The following ANKRD11 variants were observed in gnomAD, a reference collection of about 807,000 sequenced individuals.
ANKRD11 encodes the protein ankyrin repeat domain-containing protein 11.
ANKRD11 carries 17 observed loss-of-function variants against 195.7 expected under a neutral mutation model. The ratio of observed to expected loss-of-function variants is 0.09; its 90% CI spans 0.06 to 0.13. The LOEUF is 0.13. Among genes scored for constraint, ANKRD11 ranks in the 10% least tolerant of loss-of-function variants. The pLI, the probability that ANKRD11 is intolerant of heterozygous loss-of-function variation, is 1.00. For missense variants in ANKRD11, 3,735 were observed against 3,566.1 expected (o/e 1.05, Z -1.21); for synonymous variants, 1,953 against 1,528.1 (o/e 1.28, Z -6.49).
At chr16:89,271,825 A>G (rs1453335581) in intron 11 of ANKRD11, 2 of 152,180 alleles carry the variant, frequency 1.3e-5, no homozygotes, top group Non-Finnish European at 2.9e-5. Context: ...TCTCCAGGAC[A>G]TTGGCCTGGG....
chr16:89,324,570 A>G, intron 2 of ANKRD11: 1 of 454,508 alleles, frequency 2.2e-6, no homozygotes, highest in South Asian at 1.6e-5. Context: ...CGAACCCTCC[A>G]TCTGGGGGGG....
intron 2 of ANKRD11, among the ~76,000 whole-genome samples, chr16:89,389,832 A>AC (rs2041095719): frequency 6.9e-6 from 1 of 144,468 alleles, no homozygotes; most frequent in African/African-American, 2.6e-5. Context: ...TAGGGCAAAC[A>AC]CCGAGTGTGG....
rs1185658662 is a variant in ANKRD11, at chr16:89,279,894, A to G, written c.6648T>C (p.Ala2216=). The G allele has an allele frequency of 1.9e-6, 3 of 1,604,904 alleles. No individual in the cohort carries two copies. Among genetic ancestry groups the G allele is most frequent in the African/African-American group, 1.3e-5 (1 of 74,828 alleles). The change falls in exon 9 of 13, where the codon GCT becomes GCC. Residue 2216 remains alanine, a synonymous_variant. Transcript: ENST00000301030. The surrounding 1 kb of genome is among the most constrained non-coding windows in gnomAD (Gnocchi z 5.6). ...EPSGEPKLDV[A]LEAAVEAETV... is the part of the protein sequence containing the mutation. ...TCTCCGCCTCCACCGCAGCTTCTAGAGCCACGTCCAGCTTTGGCTCCCCTG... is the reference window on the plus strand; with the variant it reads ...TCTCCGCCTCCACCGCAGCTTCTAGGGCCACGTCCAGCTTTGGCTCCCCTG...
intron 1 of ANKRD11, among the ~76,000 whole-genome samples, chr16:89,476,898 G>A (rs1173634269): frequency 1.3e-5 from 2 of 152,108 alleles, no homozygotes; most frequent in African/African-American, 4.8e-5. Flanking sequence ...ACAGTATCGC[G>A]TAACACACAA....
At chr16:89,396,279 G>A (rs572374077) in intron 2 of ANKRD11, among the ~76,000 whole-genome samples, 33 of 152,254 alleles carry the variant, frequency 2.2e-4, no homozygotes, top group African/African-American at 7.7e-4. Flanking sequence ...CGAGTCCCGG[G>A]CACCCAATCG....
Position 89,459,933 on chromosome 16 carries a change from CA to C in ANKRD11, c.-145+30311del, listed in dbSNP as rs140421320. Among the ~76,000 whole-genome samples, 77 of 135,594 alleles carry C rather than the reference CA, an allele frequency of 5.7e-4. No individual in the cohort carries two copies. In the South Asian group the frequency reaches 0.018, roughly 31 times the overall value. The allele number at this position is 135,594 out of a possible 152,430, so 89.0% of individuals were successfully genotyped here. On this transcript the variant is annotated intron_variant, in intron 1 of 12. Transcript: ENST00000301030. ...GGGTGACCAAGCAAGACCCTGTATC[CA>C]AAAAAAAAGAAAAAAAAAAGGCCAG...
At chr16:89,293,283 C>T (rs1030815488) in intron 4 of ANKRD11, among the ~76,000 whole-genome samples, 3 of 152,156 alleles carry the variant, frequency 2.0e-5, no homozygotes, top group Non-Finnish European at 4.4e-5. Context: ...GCACAGGAGA[C>T]TCCTGGGAGC....
chr16:89,458,417 G>T (rs1567833438), intron 1 of ANKRD11, among the ~76,000 whole-genome samples: 1 of 151,960 alleles, frequency 6.6e-6, no homozygotes, highest in Admixed American at 6.6e-5. Context: ...GTAGAGACGG[G>T]GTTTCACCAT....
chr16:89,281,133 G>T lies in ANKRD11; in HGVS notation c.5409C>A (p.Phe1803Leu), dbSNP rs748247992. 5.6e-6 allele frequency: 9 copies of T among 1,613,334 alleles called. No homozygotes were observed. In the South Asian group the frequency reaches 7.7e-5, roughly 14 times the overall value. Residue 1803 changes from phenylalanine (F) to leucine (L), a missense_variant, in exon 9 of 13, where the codon TTC becomes TTA. By Grantham distance (22) the Phe-to-Leu change is conservative. Coordinates refer to ENST00000301030, the MANE Select transcript of ANKRD11 (RefSeq NM_013275.6). This position sits in a 1 kb window ranked among gnomAD's most constrained non-coding sequence, Gnocchi z 5.5. ...GCCTGAAGAGCTTGTCTCCGACGCT[G>T]AATTCTTCCTCGGGGGTCCTCCTAA... The part of the protein sequence containing the change: ...VDIRRTPEEE[F>L]SVGDKLFRQQ...
At chr16:89,373,714 A>C (rs1439682750) in intron 2 of ANKRD11, among the ~76,000 whole-genome samples, 3 of 152,224 alleles carry the variant, frequency 2.0e-5, no homozygotes, top group Non-Finnish European at 4.4e-5. Context: ...CGCTGCAGAC[A>C]CAACCCCACG....
Position 89,399,626 on chromosome 16 carries a change from G to A in ANKRD11, c.-60+18658C>T, listed in dbSNP as rs144383830. On this transcript the variant is annotated intron_variant, in intron 2 of 12. Coordinates refer to ENST00000301030, the MANE Select transcript of ANKRD11 (RefSeq NM_013275.6). ...CGTTCATCCAACCATAGACTGCACA[G>A]CACCCGGTGGACCCTGAGGTCGTGC... is the stretch of plus-strand genomic sequence containing the variant. Among the ~76,000 whole-genome samples the A allele has an allele frequency of 2.8e-3, 424 of 152,284 alleles. 2 individuals are homozygous for A. Among genetic ancestry groups the A allele is most frequent in the African/African-American group, 9.5e-3 (393 of 41,544 alleles).
intron 9 of ANKRD11, among the ~76,000 whole-genome samples, chr16:89,275,457 T>C (rs188098039): frequency 6.6e-6 from 1 of 152,284 alleles, no homozygotes; most frequent in East Asian, 1.9e-4. Flanking sequence ...GGACAGTATC[T>C]GTGGGCCATC....
At chr16:89,441,613 A>G (rs868441159) in intron 1 of ANKRD11, among the ~76,000 whole-genome samples, 5 of 151,070 alleles carry the variant, frequency 3.3e-5, no homozygotes, top group East Asian at 2.0e-4. Flanking sequence ...TAAAAATACA[A>G]AAAATTAGCT....
intron 1 of ANKRD11, among the ~76,000 whole-genome samples, chr16:89,441,413 T>G (rs997816581): frequency 2.0e-5 from 3 of 152,010 alleles, no homozygotes; most frequent in African/African-American, 7.2e-5. Context: ...TCAGAATATA[T>G]TCCATCACCC....
Position 89,285,644 on chromosome 16 carries a change from A to G in ANKRD11, c.898T>C (p.Ser300Pro). The G allele has an allele frequency of 6.2e-7, 1 of 1,614,072 alleles. No homozygotes were observed. Among genetic ancestry groups the G allele is most frequent in the Non-Finnish European group, 8.5e-7 (1 of 1,180,014 alleles). Residue 300 changes from serine to proline, a missense_variant, in exon 9 of 13, where the codon TCA (serine) becomes CCA (proline). Physicochemically the swap from Ser to Pro is moderately conservative, Grantham distance 74 (BLOSUM62 -1). Coordinates refer to ENST00000301030, the MANE Select transcript of ANKRD11 (RefSeq NM_013275.6). This position sits in a 1 kb window ranked among gnomAD's most constrained non-coding sequence, Gnocchi z 5.6. ...AAGGATGGTGCGTCTTCCTCTTCTG[A>G]GCTCTCTGTTGGAGGTAGGAAGCGA... ...TSSEESSTES[S>P]EEEDAPSFAP...
intron 1 of ANKRD11, among the ~76,000 whole-genome samples, chr16:89,478,842 A>G (rs1461819243): frequency 6.6e-6 from 1 of 152,198 alleles, no homozygotes; most frequent in Non-Finnish European, 1.5e-5. Flanking sequence ...GATTATTCCT[A>G]AATTTCTCAA....
intron 2 of ANKRD11, among the ~76,000 whole-genome samples, chr16:89,397,514 T>C (rs371196446): frequency 3.9e-5 from 6 of 152,364 alleles, no homozygotes; most frequent in African/African-American, 9.6e-5. Flanking sequence ...TCCGCGCTCC[T>C]TTCTGTGCAG....
chr16:89,475,614 A>T (rs567712441), intron 1 of ANKRD11, among the ~76,000 whole-genome samples: 51 of 152,338 alleles, frequency 3.3e-4, no homozygotes, highest in African/African-American at 1.1e-3. Context: ...ATAATCTTTT[A>T]TCGTTCACAC....
chr16:89,410,437 G>C (rs2042069237), intron 2 of ANKRD11, among the ~76,000 whole-genome samples: 1 of 152,226 alleles, frequency 6.6e-6, no homozygotes, highest in Non-Finnish European at 1.5e-5. Flanking sequence ...GGTGTTGGGA[G>C]TGATGGTCTT....
Sources: allele counts gnomAD v4.1 joint callset (sites outside exome capture counted in the v4.1 genomes callset), GRCh38; gene constraint gnomAD v4.1.1; non-coding constraint Gnocchi (gnomAD v3.1); transcripts MANE v1.5; gene names NCBI Gene and HGNC (gene_info 2026-07-23, HGNC 2026-07-21).